The following MAST4 variants were observed in gnomAD, a reference collection of about 807,000 sequenced individuals.
The protein encoded by MAST4 is microtubule associated serine/threonine kinase family member 4.
Under a neutral mutation model 162.7 loss-of-function variants are expected in MAST4, and 89 were observed. The ratio of observed to expected loss-of-function variants is 0.55; its 90% CI spans 0.46 to 0.65. The LOEUF is 0.65. Among genes scored for constraint, MAST4 ranks in the 30% least tolerant of loss-of-function variants. The pLI is 0.00. For synonymous variants in MAST4, 1,479 were observed against 1,361.1 expected (o/e 1.09, Z -1.91); for missense variants, 3,153 against 3,374.0 (o/e 0.93, Z 1.62).
At chr5:66,747,615 C>A (rs1002885424) in intron 1 of MAST4, among the ~76,000 whole-genome samples, 1 of 152,140 alleles carries the variant, frequency 6.6e-6, no homozygotes, top group African/African-American at 2.4e-5. Context: ...TCCTCTGTCC[C>A]GCTTCCTGTT....
intron 1 of MAST4, among the ~76,000 whole-genome samples, chr5:66,709,517 A>G (rs529333801): frequency 2.1e-5 from 3 of 141,404 alleles, no homozygotes; most frequent in East Asian, 2.0e-4. Flanking sequence ...GAGTCTTGCT[A>G]TGTTGTCCAG....
At chr5:66,882,158 C>G (rs1761732324) in intron 3 of MAST4, among the ~76,000 whole-genome samples, 1 of 152,134 alleles carries the variant, frequency 6.6e-6, no homozygotes, top group South Asian at 2.1e-4. Flanking sequence ...ACCTCACATA[C>G]CTTTATCTAT....
intron 1 of MAST4, among the ~76,000 whole-genome samples, chr5:66,632,328 T>G (rs1744840869): frequency 6.6e-6 from 1 of 152,188 alleles, no homozygotes; most frequent in Admixed American, 6.5e-5. Context: ...TTAATGGCAT[T>G]TTTTTAAATG....
At chr5:66,878,177 G>T (rs1412056386) in intron 3 of MAST4, among the ~76,000 whole-genome samples, 2 of 152,186 alleles carry the variant, frequency 1.3e-5, no homozygotes, top group African/African-American at 4.8e-5. Context: ...CCTTGCAGTG[G>T]CCAGATAAAT....
At chr5:67,004,879 A>G in intron 4 of MAST4, 1 of 660,356 alleles carries the variant, frequency 1.5e-6, no homozygotes. Flanking sequence ...GGAGGGAGTG[A>G]GTAGATAATT....
intron 1 of MAST4, among the ~76,000 whole-genome samples, chr5:66,722,856 C>T (rs1359515383): frequency 6.6e-6 from 1 of 152,152 alleles, no homozygotes; most frequent in Non-Finnish European, 1.5e-5. Context: ...ACCCTCCTTA[C>T]TTCCGAGTCA....
At chr5:66,770,345 C>A (rs892845454) in intron 2 of MAST4, among the ~76,000 whole-genome samples, 1 of 152,134 alleles carries the variant, frequency 6.6e-6, no homozygotes, top group East Asian at 1.9e-4. Flanking sequence ...TCTCATGAGA[C>A]CTAGACTTAA....
chr5:66,907,202 A>AGAGT (rs1763424086), intron 4 of MAST4, among the ~76,000 whole-genome samples: 1 of 91,656 alleles, frequency 1.1e-5, no homozygotes, highest in Non-Finnish European at 2.4e-5. Flanking sequence ...AGAGAGAGAG[A>AGAGT]GAGAGTCCTG....
chr5:66,975,651 G>T (rs1748051507), intron 4 of MAST4, among the ~76,000 whole-genome samples: 1 of 152,152 alleles, frequency 6.6e-6, no homozygotes, highest in African/African-American at 2.4e-5. Flanking sequence ...GAGAGAGTCA[G>T]AACATGACCA....
intron 3 of MAST4, among the ~76,000 whole-genome samples, chr5:66,892,806 C>T (rs1307232367): frequency 6.6e-6 from 1 of 152,186 alleles, no homozygotes; most frequent in Non-Finnish European, 1.5e-5. Flanking sequence ...TTTGATTCCA[C>T]TATCTCATGG....
At chr5:66,977,455 G>A (rs1253846628) in intron 4 of MAST4, among the ~76,000 whole-genome samples, 3 of 152,140 alleles carry the variant, frequency 2.0e-5, no homozygotes, top group Admixed American at 2.0e-4. Flanking sequence ...AGTAGAAAAA[G>A]CAGAAAATGA....
intron 4 of MAST4, chr5:66,930,782 G>T: frequency 2.1e-6 from 1 of 470,788 alleles, no homozygotes; most frequent in South Asian, 1.5e-5. Context: ...ATCGTGGATT[G>T]AGAGGAAATA....
chr5:66,755,675 T>A (rs189515436), intron 1 of MAST4, among the ~76,000 whole-genome samples: 1 of 152,334 alleles, frequency 6.6e-6, no homozygotes, highest in East Asian at 1.9e-4. Context: ...AAATTCTACA[T>A]ATGTATATGC....
intron 4 of MAST4, among the ~76,000 whole-genome samples, chr5:66,951,596 ATATGTGTGTG>A (rs1244489675): frequency 7.8e-5 from 9 of 114,760 alleles, no homozygotes; most frequent in Non-Finnish European, 1.1e-4. Context: ...GCCTCCCATG[ATATGTGTGTG>A]TGTGTGTGTG....
At chr5:66,919,956 C>CT (rs1561446228) in intron 4 of MAST4, among the ~76,000 whole-genome samples, 1 of 113,472 alleles carries the variant, frequency 8.8e-6, no homozygotes, top group Non-Finnish European at 1.8e-5. Context: ...TTCCTTCCTT[C>CT]CTTCCTTCCT....
At chr5:67,134,786 C>T (rs1421095121) in intron 18 of MAST4, 98 bp downstream of exon 18, 6 of 1,002,272 alleles carry the variant, frequency 6.0e-6, no homozygotes, top group Non-Finnish European at 8.7e-6. Flanking sequence ...AAAATGTTAA[C>T]CTTTATCAAA....
In MAST4 at chr5:67,035,803, T is replaced by C. The variant is rs544795897; in HGVS notation, c.675-18601T>C. Among the ~76,000 whole-genome samples the C allele has an allele frequency of 2.0e-5, 3 of 152,268 alleles. No homozygotes were observed. In the South Asian group the frequency reaches 6.2e-4, roughly 32 times the overall value. On this transcript the variant is annotated intron_variant, in intron 4 of 28. Coordinates refer to ENST00000403625, the MANE Select transcript of MAST4 (RefSeq NM_001164664.2). ...CCGTCAGTGGAAAGGAGTAACAGGT[T>C]TTTGTTACTCACATGGTTAGCTACA...
At position 66,597,025 on chromosome 5, in the gene MAST4, C is replaced by G; in HGVS notation, c.363+7C>G. On this transcript the variant is annotated splice_region_variant and intron_variant, in intron 1 of 28. Coordinates refer to ENST00000403625, the MANE Select transcript of MAST4 (RefSeq NM_001164664.2). ...GGAGGAGCAGGACGAGGAGGTGGGC[C>G]TTTCCCCAGCTTGCCCACTCTGGGT... is the stretch of plus-strand genomic sequence containing the variant. The G allele has an allele frequency of 7.0e-7, 1 of 1,423,432 alleles. No individual in the cohort carries two copies. Among genetic ancestry groups the G allele is most frequent in the Non-Finnish European group, 9.1e-7 (1 of 1,096,400 alleles). 88.2% of individuals were successfully genotyped at this position (1,423,432 alleles called of 1,614,324 possible).
intron 4 of MAST4, among the ~76,000 whole-genome samples, chr5:67,050,928 T>C (rs1229707488): frequency 6.6e-6 from 1 of 152,222 alleles, no homozygotes; most frequent in Non-Finnish European, 1.5e-5. Flanking sequence ...GAATGGCTTC[T>C]AGCTGTTGAA....
Sources: gnomAD v4.1 joint callset for allele counts (sites outside exome capture counted in the v4.1 genomes callset) on GRCh38, gnomAD v4.1.1 for gene constraint, MANE v1.5 for transcripts, NCBI Gene and HGNC (gene_info 2026-07-23, HGNC 2026-07-21) for gene names.